NCKAP5: variants seen among roughly 807,000 people sequenced by gnomAD.
NCKAP5 encodes NCK associated protein 5.
In NCKAP5, 92 loss-of-function variants were observed where a neutral mutation model predicts 167.0. The observed-to-expected ratio is 0.55, with a 90% CI of 0.47 to 0.66. NCKAP5 has a LOEUF of 0.66. NCKAP5 is among the 30% of genes least tolerant of loss of function. The probability of loss-of-function intolerance (pLI) is 0.00; values close to 1 mark genes in which losing one functional copy is unlikely to be tolerated. For missense variants in NCKAP5, 2,378 were observed against 2,315.0 expected, an observed-to-expected ratio of 1.03 and a Z score of -0.56; for synonymous variants, 891 against 877.4, an observed-to-expected ratio of 1.02 and a Z score of -0.27.
intron 5 of NCKAP5, among the ~76,000 whole-genome samples, chr2:133,202,282 G>A (rs990985283): frequency 1.3e-4 from 20 of 152,220 alleles, no homozygotes; most frequent in African/African-American, 4.3e-4. Context: ...AGAAGAAATG[G>A]GGAAAGGATT....
intron 3 of NCKAP5, among the ~76,000 whole-genome samples, chr2:133,474,176 ACG>A (rs1321180184): frequency 1.3e-5 from 2 of 151,650 alleles, no homozygotes; most frequent in African/African-American, 4.9e-5. Context: ...ACACACACAC[ACG>A]TACATACATA....
chr2:132,762,837 C>G (rs1681125860), intron 16 of NCKAP5, among the ~76,000 whole-genome samples: 1 of 152,224 alleles, frequency 6.6e-6, no homozygotes, highest in South Asian at 2.1e-4. Flanking sequence ...CACTGTGTGC[C>G]TTTCCGGAGA....
intron 5 of NCKAP5, among the ~76,000 whole-genome samples, chr2:133,213,272 T>A (rs1171980464): frequency 6.6e-6 from 1 of 152,184 alleles, no homozygotes; most frequent in Non-Finnish European, 1.5e-5. Flanking sequence ...AGGAAAAATA[T>A]ATTGCAAATA....
chr2:132,783,542 C>A lies in NCKAP5; in HGVS notation c.3269G>T (p.Gly1090Val), dbSNP rs1663117809. Residue 1090 changes from glycine (G) to valine (V), a missense_variant, in exon 14 of 20, where the codon GGA (glycine) becomes GTA (valine). Around this residue, in one of 3 missense-constraint regions of NCKAP5, gnomAD observed 1,325 missense variants for 1,274.5 expected, o/e 1.04. Coordinates refer to ENST00000409261, the MANE Select transcript of NCKAP5 (RefSeq NM_207363.3). ...TGTGGAGGCGCTATCATTCAATTGT[C>A]CTTTTCTCCCTGGAGATACACTTTT... ...SSKSVSPGRK[G>V]QLNDSASTPP... 4 of 1,613,714 alleles carry A rather than the reference C, an allele frequency of 2.5e-6. No individual in the cohort carries two copies. The Admixed American group carries it at 6.7e-5, about 27-fold the overall frequency.
chr2:133,060,461 T>C (rs1301133860), intron 6 of NCKAP5, among the ~76,000 whole-genome samples: 1 of 152,192 alleles, frequency 6.6e-6, no homozygotes, highest in Non-Finnish European at 1.5e-5. Flanking sequence ...AAGTATTCAA[T>C]GTCAATATAT....
At chr2:133,658,212 G>A in the NCKAP5 span, among the ~76,000 whole-genome samples, 1 of 152,014 alleles carries the variant, frequency 6.6e-6, no homozygotes, top group Admixed American at 6.5e-5. Flanking sequence ...AAATGGGCCG[G>A]GGAGAACTCA....
In NCKAP5 at chr2:133,191,776, G is replaced by A. The variant is rs190691584; in HGVS notation, c.207+21940C>T. Among the ~76,000 whole-genome samples, 206 of 152,194 alleles carry A rather than the reference G, an allele frequency of 1.4e-3. 2 individuals carry two copies. Among genetic ancestry groups the A allele is most frequent in the Middle Eastern group, 6.8e-3 (2 of 294 alleles). On this transcript the variant is annotated intron_variant, in intron 5 of 19. Coordinates refer to ENST00000409261, the MANE Select transcript of NCKAP5 (RefSeq NM_207363.3). The stretch of plus-strand genomic sequence containing the variant: ...CACACCGGGGCCTGTCATGGGGTTG[G>A]GGGGAGCAGGGAGGGATAGCATTAG...
chr2:133,367,387 C>T (rs1198113597), intron 3 of NCKAP5, among the ~76,000 whole-genome samples: 1 of 152,204 alleles, frequency 6.6e-6, no homozygotes, highest in Non-Finnish European at 1.5e-5. Context: ...TCAGCCACAA[C>T]TGGTTTTCTA....
chr2:133,063,725 A>T (rs911056606), intron 6 of NCKAP5, among the ~76,000 whole-genome samples: 1 of 152,198 alleles, frequency 6.6e-6, no homozygotes, highest in Non-Finnish European at 1.5e-5. Context: ...CTCTCTAGTC[A>T]TTGCTCTCTT....
chr2:132,990,394 A>C (rs2077416297), intron 7 of NCKAP5, among the ~76,000 whole-genome samples: 2 of 152,340 alleles, frequency 1.3e-5, no homozygotes, highest in African/African-American at 2.4e-5. Flanking sequence ...TCTGGTACTT[A>C]GACCAATATC....
intron 8 of NCKAP5, among the ~76,000 whole-genome samples, chr2:132,892,605 T>G (rs563010963): frequency 6.6e-6 from 1 of 152,270 alleles, no homozygotes; most frequent in Admixed American, 6.5e-5. Context: ...CACCAGGTAT[T>G]TTAGAAGTTA....
chr2:133,647,530 AGG>A, the NCKAP5 span, among the ~76,000 whole-genome samples: 3 of 112,578 alleles, frequency 2.7e-5, no homozygotes, highest in South Asian at 8.7e-4. Flanking sequence ...AGGAAAGGAA[AGG>A]AAAGGAGGGA....
chr2:133,163,255 C>CGTGT (rs1156563229), intron 5 of NCKAP5, among the ~76,000 whole-genome samples: 2 of 152,228 alleles, frequency 1.3e-5, no homozygotes, highest in Admixed American at 1.3e-4. Context: ...GCCCCATACA[C>CGTGT]ACTGGTGTTC....
chr2:133,431,722 T>C (rs1690174780), intron 3 of NCKAP5: 1 of 152,070 alleles, frequency 6.6e-6, no homozygotes, highest in Non-Finnish European at 1.5e-5. Context: ...ATACCTATAC[T>C]TCAGAAGCAA....
At chr2:133,277,349 T>C (rs1010501803) in intron 4 of NCKAP5, among the ~76,000 whole-genome samples, 8 of 152,198 alleles carry the variant, frequency 5.3e-5, no homozygotes, top group Admixed American at 3.3e-4. Context: ...AGAAGTCAGT[T>C]GCTTTCACAG....
At chr2:133,145,269 A>T (rs1246041763) in intron 5 of NCKAP5, among the ~76,000 whole-genome samples, 2 of 152,052 alleles carry the variant, frequency 1.3e-5, no homozygotes, top group African/African-American at 2.4e-5. Flanking sequence ...GTGCTATTTA[A>T]TAAATAAGTT....
intron 3 of NCKAP5, among the ~76,000 whole-genome samples, chr2:133,494,949 A>G (rs1681805370): frequency 6.6e-6 from 1 of 152,162 alleles, no homozygotes; most frequent in Admixed American, 6.5e-5. Flanking sequence ...AGGTATGATA[A>G]GAGCTCTGAA....
chr2:133,181,603 C>CAAAAAAAAG (rs2084738033), intron 5 of NCKAP5, among the ~76,000 whole-genome samples: 1 of 71,158 alleles, frequency 1.4e-5, no homozygotes, highest in Admixed American at 1.8e-4. Flanking sequence ...CCCATCTCTA[C>CAAAAAAAAG]AAAAAAAAAA....
Position 132,732,003 on chromosome 2 carries a change from G to A in NCKAP5, c.5177C>T (p.Pro1726Leu), listed in dbSNP as rs758121989. Residue 1726 changes from proline to leucine, a missense_variant, in exon 17 of 20, where the codon CCA becomes CTA. Transcript: ENST00000409261. ...CGAGCGATTTCCCGAGTCTGGGAGT[G>A]GAAAGGTTCCGATCCCACTGTCCAA... The part of the protein sequence containing the change: ...RTLDSGIGTF[P>L]LPDSGNRSTG... The A allele has an allele frequency of 5.0e-6, 8 of 1,613,682 alleles. No homozygotes were observed. In the African/African-American group the frequency reaches 1.1e-4, roughly 22 times the overall value.
Sources: allele counts gnomAD v4.1 joint callset (sites outside exome capture counted in the v4.1 genomes callset), GRCh38; gene constraint gnomAD v4.1.1; regional missense constraint gnomAD v4.1.1; transcripts MANE v1.5; gene names NCBI Gene and HGNC (gene_info 2026-07-23, HGNC 2026-07-21).